PTPRD: variants seen among roughly 807,000 people sequenced by gnomAD.
The protein encoded by PTPRD is receptor-type tyrosine-protein phosphatase delta.
In PTPRD, 34 loss-of-function variants were observed where a neutral mutation model predicts 214.5. The ratio of observed to expected loss-of-function variants is 0.16; its 90% CI spans 0.12 to 0.21. The LOEUF (loss-of-function observed/expected upper bound fraction) is 0.21. Among genes scored for constraint, PTPRD ranks in the 10% least tolerant of loss-of-function variants. The pLI is 1.00. For synonymous variants in PTPRD, 1,128 were observed against 845.7 expected (o/e 1.33, Z -5.79); for missense variants, 2,545 against 2,398.7 (o/e 1.06, Z -1.27).
intron 9 of PTPRD, among the ~76,000 whole-genome samples, chr9:9,192,114 A>T (rs1489313701): frequency 6.6e-6 from 1 of 152,078 alleles, no homozygotes; most frequent in Non-Finnish European, 1.5e-5. Flanking sequence ...TGAATCTAAA[A>T]ATGAGAGCAT....
At chr9:10,052,478 T>C (rs2097551324) in intron 3 of PTPRD, among the ~76,000 whole-genome samples, 1 of 152,118 alleles carries the variant, frequency 6.6e-6, no homozygotes. Flanking sequence ...TAAGGTAAAA[T>C]CAGGCCAAGC....
At chr9:9,467,136 T>C (rs1172133188) in intron 8 of PTPRD, among the ~76,000 whole-genome samples, 1 of 151,876 alleles carries the variant, frequency 6.6e-6, no homozygotes, top group East Asian at 1.9e-4. Context: ...AGAGGACACA[T>C]TTATTGTGTC....
Position 9,801,360 on chromosome 9 carries a change from G to C in PTPRD, c.-367-34509C>G, listed in dbSNP as rs141841289. Among the ~76,000 whole-genome samples, 672 of 151,644 alleles carry C rather than the reference G, an allele frequency of 4.4e-3. 3 individuals carry two copies. Among genetic ancestry groups the C allele is most frequent in the African/African-American group, 0.015 (612 of 41,350 alleles). Reference sequence around the variant, plus strand: ...ATTAAAAAAAAAAAAGTAACTTTCAGTATAAAACAGGAATGGAAATGCTCT... The same window carrying C: ...ATTAAAAAAAAAAAAGTAACTTTCACTATAAAACAGGAATGGAAATGCTCT... On this transcript the variant is annotated intron_variant, in intron 5 of 45. Coordinates refer to ENST00000381196, the MANE Select transcript of PTPRD (RefSeq NM_002839.4).
chr9:9,692,838 TG>T (rs2097299282), intron 7 of PTPRD, among the ~76,000 whole-genome samples: 1 of 151,902 alleles, frequency 6.6e-6, no homozygotes, highest in Non-Finnish European at 1.5e-5. Context: ...ACTGTAGAGA[TG>T]TTTTACCTCT....
At chr9:9,023,075 G>C (rs892884589) in intron 10 of PTPRD, among the ~76,000 whole-genome samples, 2 of 152,100 alleles carry the variant, frequency 1.3e-5, no homozygotes, top group African/African-American at 4.8e-5. Context: ...CTTTTGTAAA[G>C]TGGAACCTAT....
At chr9:9,341,144 C>A (rs966524814) in intron 9 of PTPRD, among the ~76,000 whole-genome samples, 10 of 151,132 alleles carry the variant, frequency 6.6e-5, no homozygotes, top group African/African-American at 2.4e-4. Context: ...ATATATATCA[C>A]AAAATATATA....
chr9:9,326,772 G>A (rs907363981), intron 9 of PTPRD, among the ~76,000 whole-genome samples: 3 of 151,062 alleles, frequency 2.0e-5, no homozygotes, highest in Non-Finnish European at 4.4e-5. Context: ...ACAAGATAGA[G>A]GGGAAAAAAA....
At chr9:8,776,127 A>G (rs1452172705) in intron 11 of PTPRD, among the ~76,000 whole-genome samples, 1 of 152,192 alleles carries the variant, frequency 6.6e-6, no homozygotes, top group African/African-American at 2.4e-5. Context: ...TGGCTCAATA[A>G]CTAGAAATAA....
At chr9:9,400,199 C>T (rs887483598) in intron 8 of PTPRD, among the ~76,000 whole-genome samples, 2 of 150,804 alleles carry the variant, frequency 1.3e-5, no homozygotes, top group African/African-American at 4.9e-5. Flanking sequence ...TGTTACCTTC[C>T]GTGCCAGAGG....
intron 4 of PTPRD, among the ~76,000 whole-genome samples, chr9:10,014,538 C>T (rs1213369438): frequency 4.0e-5 from 6 of 151,898 alleles, no homozygotes; most frequent in Non-Finnish European, 5.9e-5. Context: ...AGAAATAATG[C>T]ATTTCCTTAC....
chr9:8,780,427 G>T (rs2154493432), intron 11 of PTPRD, among the ~76,000 whole-genome samples: 1 of 152,260 alleles, frequency 6.6e-6, no homozygotes, highest in African/African-American at 2.4e-5. Flanking sequence ...ACTAGACTCA[G>T]GTTTCTAATT....
chr9:9,346,693 AT>A lies in PTPRD; in HGVS notation c.-203+50755del, dbSNP rs913429637. On this transcript the variant is annotated intron_variant, in intron 9 of 45. Transcript: ENST00000381196. ...TCTATTAAATACATAAAGTGCCTTAATTTTTTTTTTCTTTTTTAGACAGAGT... is the reference window on the plus strand; with the variant it reads ...TCTATTAAATACATAAAGTGCCTTAATTTTTTTTTCTTTTTTAGACAGAGT... 2.3e-3 allele frequency among the ~76,000 whole-genome samples: 342 copies of A among 150,036 alleles called. 1 individual carries two copies. Among genetic ancestry groups the A allele is most frequent in the African/African-American group, 7.8e-3 (318 of 40,866 alleles).
At chr9:9,829,308 ATC>A (rs2054029390) in intron 5 of PTPRD, among the ~76,000 whole-genome samples, 1 of 151,812 alleles carries the variant, frequency 6.6e-6, no homozygotes, top group Non-Finnish European at 1.5e-5. Context: ...ATTTCTACTA[ATC>A]TATAAGAACT....
intron 4 of PTPRD, among the ~76,000 whole-genome samples, chr9:10,014,757 A>G (rs2154111324): frequency 6.6e-6 from 1 of 152,160 alleles, no homozygotes; most frequent in Admixed American, 6.5e-5. Flanking sequence ...AAATTATATG[A>G]TATAGACCTA....
Position 9,435,970 on chromosome 9 carries a change from C to T in PTPRD, c.-236-38488G>A, listed in dbSNP as rs576318587. On this transcript the variant is annotated intron_variant, in intron 8 of 45. Coordinates refer to ENST00000381196, the MANE Select transcript of PTPRD (RefSeq NM_002839.4). ...TTAGCCCTGTTTCCCATTCAATTAG[C>T]TCACCTTTTTCTCCATTTCTGCCTG... is the stretch of plus-strand genomic sequence containing the variant. 3.5e-4 allele frequency among the ~76,000 whole-genome samples: 53 copies of T among 152,186 alleles called. 1 individual carries two copies. In the South Asian group the frequency reaches 0.011, roughly 31 times the overall value.
At chr9:9,892,804 A>G (rs2073819684) in intron 5 of PTPRD, among the ~76,000 whole-genome samples, 1 of 152,058 alleles carries the variant, frequency 6.6e-6, no homozygotes, top group Admixed American at 6.6e-5. Flanking sequence ...GAGTGGTATA[A>G]TATTTGAATA....
rs140407999 is a variant in PTPRD at position 9,172,302 on chromosome 9, T to A, written c.-143+11002A>T. Among the ~76,000 whole-genome samples, 71 of 152,302 alleles carry A rather than the reference T, an allele frequency of 4.7e-4. 1 individual carries two copies. In the East Asian group the frequency reaches 0.012, roughly 26 times the overall value. On this transcript the variant is annotated intron_variant, in intron 10 of 45. Transcript: ENST00000381196. ...TCAATTTCCTTTCAGTGGCAAAATG[T>A]ACTTTCCCTAAAGAAACATAGTAAT...
At chr9:8,991,123 G>T (rs1031237193) in intron 11 of PTPRD, among the ~76,000 whole-genome samples, 2 of 151,638 alleles carry the variant, frequency 1.3e-5, no homozygotes, top group African/African-American at 4.8e-5. Context: ...GGAGGCTGAG[G>T]CAGGAGAATC....
intron 9 of PTPRD, among the ~76,000 whole-genome samples, chr9:9,230,772 G>A (rs375301104): frequency 6.6e-5 from 10 of 152,124 alleles, no homozygotes; most frequent in African/African-American, 2.4e-4. Flanking sequence ...ATAATCAATT[G>A]GCTGAAAATA....
Sources: allele counts gnomAD v4.1 joint callset (sites outside exome capture counted in the v4.1 genomes callset), GRCh38; gene constraint gnomAD v4.1.1; transcripts MANE v1.5; gene names NCBI Gene and HGNC (gene_info 2026-07-23, HGNC 2026-07-21).